The following CTNNA2 variants were observed in gnomAD, a reference collection of about 807,000 sequenced individuals.
CTNNA2 encodes the protein catenin alpha-2.
A neutral mutation model predicts 101.0 loss-of-function variants in CTNNA2; 42 were observed. That is an observed-to-expected ratio of 0.42 (90% CI 0.32 to 0.54). The LOEUF (loss-of-function observed/expected upper bound fraction) is 0.54. Among genes scored for constraint, CTNNA2 ranks in the 20% least tolerant of loss-of-function variants. CTNNA2 has a pLI of 0.14. For missense variants in CTNNA2, 871 were observed against 1,223.1 expected (o/e 0.71, Z 4.29); for synonymous variants, 450 against 456.4 (o/e 0.99, Z 0.18).
At chr2:80,120,772 G>T (rs1359901679) in intron 7 of CTNNA2, among the ~76,000 whole-genome samples, 3 of 152,154 alleles carry the variant, frequency 2.0e-5, no homozygotes, top group Non-Finnish European at 4.4e-5. Flanking sequence ...GTGCTCTTAA[G>T]GGCGTATACC....
At chr2:80,560,060 A>AG (rs1305200440) in intron 12 of CTNNA2, among the ~76,000 whole-genome samples, 1 of 84,528 alleles carries the variant, frequency 1.2e-5, no homozygotes. Flanking sequence ...AGACCAAAAA[A>AG]AAAAAAAAAA....
At chr2:79,319,712 G>GA (rs1224145289) in intron 3 of CTNNA2, 1 of 151,910 alleles carries the variant, frequency 6.6e-6, no homozygotes, top group Non-Finnish European at 1.5e-5. Context: ...TTTTTCCCAG[G>GA]AATTTCTGGA....
intron 16 of CTNNA2, among the ~76,000 whole-genome samples, chr2:80,606,915 C>T (rs985811501): frequency 2.0e-5 from 3 of 151,714 alleles, no homozygotes; most frequent in African/African-American, 4.8e-5. Flanking sequence ...AATCCCTTTC[C>T]GTGTATGGGT....
Position 80,122,564 on chromosome 2 carries a change from C to T in CTNNA2, c.1056+212767C>T, listed in dbSNP as rs577172461. Among the ~76,000 whole-genome samples, 149 of 152,158 alleles carry T rather than the reference C, an allele frequency of 9.8e-4. 1 individual carries two copies. Among genetic ancestry groups the T allele is most frequent in the African/African-American group, 3.2e-3 (132 of 41,492 alleles). On this transcript the variant is annotated intron_variant, in intron 7 of 18. Transcript: ENST00000402739. ...CTGTTTCCAGAGTTGATCTGTTTTA[C>T]GTATTGGTTTTCCACATATGCATTA...
chr2:79,795,498 TAATA>T (rs1329050884), intron 3 of CTNNA2, among the ~76,000 whole-genome samples: 2 of 152,032 alleles, frequency 1.3e-5, no homozygotes, highest in Admixed American at 6.6e-5. Context: ...AAAATGTAAT[TAATA>T]AATATTACAT....
At chr2:79,415,141 T>C (rs1030949531) in intron 4 of CTNNA2, among the ~76,000 whole-genome samples, 1 of 152,094 alleles carries the variant, frequency 6.6e-6, no homozygotes, top group Non-Finnish European at 1.5e-5. Context: ...ATCATGGCAA[T>C]AGGTCCCTCA....
At chr2:79,516,341 G>A (rs1467862484) in intron 1 of CTNNA2, among the ~76,000 whole-genome samples, 2 of 152,154 alleles carry the variant, frequency 1.3e-5, no homozygotes, top group African/African-American at 4.8e-5. Flanking sequence ...GCGCAAGTAA[G>A]TACTAGAGGA....
intron 9 of CTNNA2, among the ~76,000 whole-genome samples, chr2:80,461,538 GC>G (rs1349872598): frequency 6.6e-6 from 1 of 152,142 alleles, no homozygotes; most frequent in Non-Finnish European, 1.5e-5. Context: ...GCCTTATCAT[GC>G]CTTAACTAGT....
At chr2:80,156,825 C>A (rs1704020150) in intron 7 of CTNNA2, among the ~76,000 whole-genome samples, 1 of 152,218 alleles carries the variant, frequency 6.6e-6, no homozygotes, top group East Asian at 1.9e-4. Context: ...CAGAACCATA[C>A]TTACTTTCTC....
intron 7 of CTNNA2, among the ~76,000 whole-genome samples, chr2:79,961,774 A>T (rs1473395159): frequency 6.9e-6 from 1 of 144,860 alleles, no homozygotes; most frequent in East Asian, 2.1e-4. Flanking sequence ...GTGAGCCGAG[A>T]TCGTGCCACT....
chr2:80,524,839 T>C (rs1689888049), intron 9 of CTNNA2, among the ~76,000 whole-genome samples: 1 of 152,176 alleles, frequency 6.6e-6, no homozygotes. Context: ...CAAGCATAGA[T>C]CTCTACTGTA....
intron 9 of CTNNA2, among the ~76,000 whole-genome samples, chr2:80,457,769 C>T (rs1156982702): frequency 6.6e-6 from 1 of 152,096 alleles, no homozygotes; most frequent in Non-Finnish European, 1.5e-5. Flanking sequence ...TTATTTTATT[C>T]TTTCAGGGAT....
At chr2:79,500,573 CA>C (rs1248915313) in intron 4 of CTNNA2, 6 of 152,200 alleles carry the variant, frequency 3.9e-5, no homozygotes, top group African/African-American at 1.4e-4. Flanking sequence ...TACTTTCTCT[CA>C]CCCCACCCTT....
intron 3 of CTNNA2, among the ~76,000 whole-genome samples, chr2:79,355,900 A>G (rs1464411629): frequency 6.6e-6 from 1 of 152,070 alleles, no homozygotes; most frequent in Non-Finnish European, 1.5e-5. Context: ...TGCTGTGAAC[A>G]TTCACATACA....
chr2:79,224,705 T>C (rs1674386521), intron 2 of CTNNA2, among the ~76,000 whole-genome samples: 1 of 151,982 alleles, frequency 6.6e-6, no homozygotes, highest in Non-Finnish European at 1.5e-5. Context: ...AGAATATTAC[T>C]GTCAACCCAA....
chr2:80,030,611 C>T (rs1021371340), intron 7 of CTNNA2: 36 of 151,922 alleles, frequency 2.4e-4, no homozygotes, highest in African/African-American at 8.7e-4. Flanking sequence ...TATTTGGTCC[C>T]CATAATTAAA....
intron 2 of CTNNA2, among the ~76,000 whole-genome samples, chr2:79,262,493 G>C (rs1257613953): frequency 1.3e-5 from 2 of 151,938 alleles, no homozygotes; most frequent in African/African-American, 4.8e-5. Context: ...AAAAGTTATT[G>C]TATTATTCTT....
chr2:80,036,022 C>A (rs748633713), intron 7 of CTNNA2, among the ~76,000 whole-genome samples: 1 of 152,194 alleles, frequency 6.6e-6, no homozygotes, highest in Non-Finnish European at 1.5e-5. Context: ...TCCCACATGA[C>A]GGTCTCATCA....
intron 6 of CTNNA2, among the ~76,000 whole-genome samples, chr2:79,907,892 C>T (rs914216549): frequency 2.2e-4 from 34 of 152,172 alleles, no homozygotes; most frequent in African/African-American, 8.0e-4. Context: ...CTTTCTAAGT[C>T]CCAACCTACC....
Sources: allele counts gnomAD v4.1 joint callset (sites outside exome capture counted in the v4.1 genomes callset), GRCh38; gene constraint gnomAD v4.1.1; transcripts MANE v1.5; gene names NCBI Gene and HGNC (gene_info 2026-07-23, HGNC 2026-07-21).